Variants in FAAH2 observed in about 807,000 individuals in gnomAD.
FAAH2 encodes fatty-acid amide hydrolase 2.
A neutral mutation model predicts 36.9 loss-of-function variants in FAAH2; 60 were observed. The observed-to-expected ratio is 1.63, with a 90% CI of 1.32 to 2.02. The LOEUF is 2.02. FAAH2 is among the 30% of genes most tolerant of loss of function. The pLI is 0.00. For synonymous variants in FAAH2, 214 were observed against 143.8 expected (o/e 1.49, Z -3.49); for missense variants, 689 against 397.5 (o/e 1.73, Z -6.23).
At chrX:57,284,988 TTAAA>T (rs887390181), upstream of FAAH2, among the ~76,000 whole-genome samples, 2 of 112,382 alleles carry the variant, frequency 1.8e-5, no homozygotes, top group African/African-American at 3.2e-5. Flanking sequence ...CATTTACAAC[TTAAA>T]TAAAGTAACA....
At chrX:57,445,333 C>A in intron 8 of FAAH2, among the ~76,000 whole-genome samples, 1 of 111,683 alleles carries the variant, frequency 9.0e-6, no homozygotes, top group African/African-American at 3.3e-5. Flanking sequence ...TCTTGTCTCT[C>A]TTTCCCTCAA....
chrX:57,167,757 T>C, the FAAH2 span, among the ~76,000 whole-genome samples: 243 of 111,345 alleles, frequency 2.2e-3, 2 homozygotes, highest in African/African-American at 7.7e-3. Context: ...ATTTATTCTC[T>C]AGCAGAAAAA....
chrX:57,231,722 C>A, the FAAH2 span, among the ~76,000 whole-genome samples: 1 of 111,779 alleles, frequency 8.9e-6, no homozygotes, highest in Non-Finnish European at 1.9e-5. Context: ...GAAATTTGAA[C>A]CCAAGCATTC....
the FAAH2 span, among the ~76,000 whole-genome samples, chrX:57,144,923 TACACACACAC>T: frequency 9.5e-6 from 1 of 105,417 alleles, no homozygotes; most frequent in Non-Finnish European, 2.0e-5. Context: ...TGTGTGTGCA[TACACACACAC>T]ACACACACAC....
chrX:57,280,326 CT>C, the FAAH2 span, among the ~76,000 whole-genome samples: 51 of 110,578 alleles, frequency 4.6e-4, no homozygotes, highest in East Asian at 0.014. Flanking sequence ...TGGGCTTTCA[CT>C]TTTTTCACCT....
intron 7 of FAAH2, chrX:57,394,570 C>A: frequency 8.3e-7 from 1 of 1,203,779 alleles, no homozygotes; most frequent in Non-Finnish European, 1.1e-6. Flanking sequence ...CCAGGAAACG[C>A]TTGGCACTCT....
At chrX:57,451,855 A>G in intron 10 of FAAH2, among the ~76,000 whole-genome samples, 1 of 112,686 alleles carries the variant, frequency 8.9e-6, no homozygotes, top group Non-Finnish European at 1.9e-5. Context: ...ATGTCACTGG[A>G]ATAACACAGT....
intron 10 of FAAH2, chrX:57,452,057 T>C (rs1443949873): frequency 4.9e-6 from 2 of 407,356 alleles, no homozygotes; most frequent in Non-Finnish European, 6.2e-6. Context: ...GGAGAGGTGA[T>C]TACCAGGACA....
chrX:57,329,725 G>A (rs780920368), intron 3 of FAAH2, among the ~76,000 whole-genome samples: 93 of 110,614 alleles, frequency 8.4e-4, no homozygotes, highest in Non-Finnish European at 1.5e-3. Context: ...GGAGGCTGCC[G>A]TAGTGGCAGG....
At chrX:57,233,376 A>G in the FAAH2 span, among the ~76,000 whole-genome samples, 5 of 111,940 alleles carry the variant, frequency 4.5e-5, no homozygotes. Context: ...TATTTAAAAA[A>G]CTGTCATTGT....
the FAAH2 span, among the ~76,000 whole-genome samples, chrX:57,188,652 G>A: frequency 9.0e-6 from 1 of 110,540 alleles, no homozygotes; most frequent in Non-Finnish European, 1.9e-5. Context: ...ATGTTAGGAT[G>A]TGAATTTTAG....
At chrX:57,152,732 C>T in the FAAH2 span, among the ~76,000 whole-genome samples, 1 of 111,925 alleles carries the variant, frequency 8.9e-6, no homozygotes, top group Admixed American at 9.4e-5. Context: ...TGAGGCAATG[C>T]CTCGCCCTGC....
At chrX:57,331,862 G>T (rs1484379271) in intron 4 of FAAH2, 55 bp downstream of exon 4, 6 of 1,066,312 alleles carry the variant, frequency 5.6e-6, no homozygotes, top group South Asian at 2.0e-5. Context: ...TAATAATTAT[G>T]AATTGTATTA....
At chrX:57,268,535 C>T in the FAAH2 span, among the ~76,000 whole-genome samples, 1 of 110,894 alleles carries the variant, frequency 9.0e-6, no homozygotes, top group African/African-American at 3.3e-5. Flanking sequence ...AGACCATCCC[C>T]AAGACACATA....
At chrX:57,252,403 C>A in the FAAH2 span, among the ~76,000 whole-genome samples, 1 of 112,333 alleles carries the variant, frequency 8.9e-6, no homozygotes, top group East Asian at 2.8e-4. Context: ...CCCAGCATGG[C>A]GTTTGAGCTC....
chrX:57,154,743 A>C, the FAAH2 span, among the ~76,000 whole-genome samples: 8 of 110,367 alleles, frequency 7.2e-5, no homozygotes, highest in Non-Finnish European at 1.3e-4. Context: ...GGTGTTAAAC[A>C]ACCTTGTTTT....
intron 8 of FAAH2, among the ~76,000 whole-genome samples, chrX:57,438,365 G>A (rs1228290234): frequency 1.0e-5 from 1 of 99,349 alleles, no homozygotes; most frequent in African/African-American, 3.7e-5. Context: ...TGGATTGGAA[G>A]AATTAATATA....
intron 3 of FAAH2, among the ~76,000 whole-genome samples, chrX:57,314,774 C>G (rs375914903): frequency 9.0e-6 from 1 of 110,879 alleles, no homozygotes; most frequent in African/African-American, 3.3e-5. Context: ...GTCATTAAGG[C>G]GCCACTCAAG....
chrX:57,440,345 T>A (rs1010172403), intron 8 of FAAH2, among the ~76,000 whole-genome samples: 1 of 111,373 alleles, frequency 9.0e-6, no homozygotes, highest in Non-Finnish European at 1.9e-5. Context: ...TCCTAGATAT[T>A]TTATTCTCTT....
Sources: allele counts gnomAD v4.1 joint callset (sites outside exome capture counted in the v4.1 genomes callset), GRCh38; gene constraint gnomAD v4.1.1; transcripts MANE v1.5; gene names NCBI Gene and HGNC (gene_info 2026-07-23, HGNC 2026-07-21).